Variants in MCFD2 observed in about 807,000 individuals in gnomAD.
MCFD2 encodes multiple coagulation factor deficiency 2, ER cargo receptor complex subunit.
Under a neutral mutation model 12.8 loss-of-function variants are expected in MCFD2, and 11 were observed. The ratio of observed to expected loss-of-function variants is 0.86; its 90% CI spans 0.54 to 1.42. The LOEUF is 1.42. Ranked by LOEUF, MCFD2 falls within the 40% of genes most tolerant of loss-of-function variation. The pLI is 0.00. For missense variants in MCFD2, 191 were observed against 178.6 expected (o/e 1.07, Z -0.40); for synonymous variants, 70 against 68.1 (o/e 1.03, Z -0.14).
chr2:46,923,935 C>T (rs1669245969), intron 1 of MCFD2, among the ~76,000 whole-genome samples: 1 of 152,044 alleles, frequency 6.6e-6, no homozygotes, highest in Non-Finnish European at 1.5e-5. Flanking sequence ...GGAGTTTCAC[C>T]ATGTTGGCCA....
chr2:46,941,672 G>T lies in MCFD2; in HGVS notation c.-108C>A. 6.4e-7 allele frequency: 1 copy of T among 1,551,918 alleles called. No individual in the cohort carries two copies. Among genetic ancestry groups the T allele is most frequent in the East Asian group, 2.4e-5 (1 of 41,170 alleles). ...CTGCAGACGCTGAGCATGCCCGGCGGCGGAGGTAACAGGCGAGGCAGCCCG... is the reference window on the plus strand; with the variant it reads ...CTGCAGACGCTGAGCATGCCCGGCGTCGGAGGTAACAGGCGAGGCAGCCCG... On this transcript the variant is annotated 5_prime_UTR_variant, in exon 1 of 3. Transcript: ENST00000409147. The surrounding 1 kb of genome is among the most constrained non-coding windows in gnomAD (Gnocchi z 4.2).
Position 46,908,066 on chromosome 2 carries a change from C to T in MCFD2, c.150-97G>A. On this transcript the variant is annotated intron_variant, in intron 2 of 3. Transcript: ENST00000319466. This position sits in a 1 kb window ranked among gnomAD's most constrained non-coding sequence, Gnocchi z 4.5. ...AAAGTTCAAGATCTTAAACTTCCTC[C>T]AGCTCAGAAAAACAAACACCAGCAG... 1 of 1,390,346 alleles carries T rather than the reference C, an allele frequency of 7.2e-7. No individual in the cohort carries two copies. Among genetic ancestry groups the T allele is most frequent in the Non-Finnish European group, 1.0e-6 (1 of 999,342 alleles). The allele number at this position is 1,390,346 out of a possible 1,614,324, so 86.1% of individuals were successfully genotyped here.
In MCFD2 at chr2:46,905,058, C is replaced by CT. The variant is rs1668161909; in HGVS notation, c.*404dup. The CT allele has an allele frequency of 3.2e-6, 1 of 311,614 alleles. No individual in the cohort carries two copies. Among genetic ancestry groups the CT allele is most frequent in the Admixed American group, 4.5e-5 (1 of 22,316 alleles). The allele number at this position is 311,614 out of a possible 1,614,324, so 19.3% of individuals were successfully genotyped here. A position where few individuals can be genotyped will look rare whatever the true frequency, so the allele number is the denominator to read the frequency against. ...GGCTTATCAGGGGTTTCCACTTTTG[C>CT]TTCTTCCTCATTTTCTCTTGCTGCC... is the stretch of plus-strand genomic sequence containing the variant. On this transcript the variant is annotated 3_prime_UTR_variant, in exon 4 of 4. Transcript: ENST00000319466.
At chr2:46,913,309 A>G (rs558394098) in intron 1 of MCFD2, among the ~76,000 whole-genome samples, 1 of 152,314 alleles carries the variant, frequency 6.6e-6, no homozygotes, top group Non-Finnish European at 1.5e-5. Flanking sequence ...ATACTTTGAG[A>G]GGCTGAGGCA....
intron 1 of MCFD2, among the ~76,000 whole-genome samples, chr2:46,931,153 T>C (rs376861466): frequency 5.4e-4 from 83 of 152,340 alleles, no homozygotes; most frequent in African/African-American, 1.9e-3. Flanking sequence ...TCTATGAGTG[T>C]TATTTATTTA....
chr2:46,908,994 C>A lies in MCFD2; in HGVS notation c.149+29G>T. ...TCAGCTGCAGATGATGGGGAGGCCACTGGACCACAGCCCGGGCTGAATACG... is the reference window on the plus strand; with the variant it reads ...TCAGCTGCAGATGATGGGGAGGCCAATGGACCACAGCCCGGGCTGAATACG... On this transcript the variant is annotated intron_variant, in intron 2 of 3. Transcript: ENST00000319466. The surrounding 1 kb of genome is among the most constrained non-coding windows in gnomAD (Gnocchi z 4.5). 6.2e-7 allele frequency: 1 copy of A among 1,613,618 alleles called. No homozygotes were observed. Among genetic ancestry groups the A allele is most frequent in the Non-Finnish European group, 8.5e-7 (1 of 1,179,938 alleles).
intron 1 of MCFD2, among the ~76,000 whole-genome samples, chr2:46,911,338 G>C (rs1443299746): frequency 6.6e-6 from 1 of 151,608 alleles, no homozygotes; most frequent in Admixed American, 6.6e-5. Context: ...ATCTTGGCCA[G>C]GCTGATCTCG....
upstream of MCFD2, among the ~76,000 whole-genome samples, chr2:46,920,084 C>G (rs985634386): frequency 2.0e-5 from 3 of 152,162 alleles, no homozygotes; most frequent in African/African-American, 7.2e-5. Flanking sequence ...GACCTTGTTT[C>G]TTCCGTCCCT....
chr2:46,935,001 A>T (rs1157177005), intron 1 of MCFD2, among the ~76,000 whole-genome samples: 1 of 151,564 alleles, frequency 6.6e-6, no homozygotes, highest in Non-Finnish European at 1.5e-5. Context: ...GGGTTTCATC[A>T]TGTTGGCCAG....
At chr2:46,926,192 T>A (rs1304897262) in intron 1 of MCFD2, among the ~76,000 whole-genome samples, 1 of 152,240 alleles carries the variant, frequency 6.6e-6, no homozygotes, top group African/African-American at 2.4e-5. Context: ...GTGAAGACTT[T>A]ACTGAAGCCT....
upstream of MCFD2, chr2:46,915,916 C>G: frequency 2.0e-6 from 2 of 985,090 alleles, no homozygotes; most frequent in Non-Finnish European, 2.4e-6. Context: ...GTGAGGACGG[C>G]TCGCGTGAGT....
upstream of MCFD2, among the ~76,000 whole-genome samples, chr2:46,919,624 T>C (rs1033788554): frequency 6.6e-6 from 1 of 152,260 alleles, no homozygotes; most frequent in African/African-American, 2.4e-5. Flanking sequence ...GGTAATCCTG[T>C]GTCCCTAAAA....
Position 46,907,868 on chromosome 2 carries a change from C to T in MCFD2, c.251G>A (p.Gly84Asp). ...LHYFKMHDYD[G>D]NNLLDGLELS... ...TTCTAAGCCATCAAGCAAATTATTG[C>T]CATCATAATCATGCATTTTGAAGTA... The change falls in exon 3 of 4, where the codon GGC becomes GAC. Residue 84 changes from glycine (G) to aspartate (D), a missense_variant. Physicochemically the swap from Gly to Asp is moderately conservative, Grantham distance 94. Transcript: ENST00000319466. This position sits in a 1 kb window ranked among gnomAD's most constrained non-coding sequence, Gnocchi z 4.1. 6.2e-7 allele frequency: 1 copy of T among 1,614,150 alleles called. No homozygotes were observed. The highest frequency in any genetic ancestry group is 8.5e-7 in the Non-Finnish European group (1 of 1,180,022).
chr2:46,920,154 T>G (rs1396178288), upstream of MCFD2, among the ~76,000 whole-genome samples: 1 of 152,176 alleles, frequency 6.6e-6, no homozygotes, highest in East Asian at 1.9e-4. Flanking sequence ...TTCTTCAAAT[T>G]CATGTTGGGG....
chr2:46,941,136 G>A lies in MCFD2; in HGVS notation c.-8+436C>T, dbSNP rs937316585. The A allele has an allele frequency of 4.2e-4, 62 of 147,876 alleles. No individual in the cohort carries two copies. Among genetic ancestry groups the A allele is most frequent in the African/African-American group, 1.5e-3 (60 of 40,814 alleles). The allele number at this position is 147,876 out of a possible 1,614,324, so 9.2% of individuals were successfully genotyped here. ...CGCTGGCAGCCAGCGAGCCCGGCTCGCCGAGGCCTCCCCACGCCCCCGCGG... is the reference window on the plus strand; with the variant it reads ...CGCTGGCAGCCAGCGAGCCCGGCTCACCGAGGCCTCCCCACGCCCCCGCGG... On this transcript the variant is annotated intron_variant, in intron 1 of 2. Transcript: ENST00000409147. The surrounding 1 kb of genome is among the most constrained non-coding windows in gnomAD (Gnocchi z 4.2).
Position 46,941,017 on chromosome 2 carries a change from TA to T in MCFD2, c.-8+554del, listed in dbSNP as rs1232020868. 6.6e-6 allele frequency among the ~76,000 whole-genome samples: 1 copy of T among 150,628 alleles called. No homozygotes were observed. Among genetic ancestry groups the T allele is most frequent in the Non-Finnish European group, 1.5e-5 (1 of 67,704 alleles). ...CGGGCGCCGGGGCTCCGCGCGGGAT[TA>T]AAGTGAGCTCCGACTCCGCGGCGGG... On this transcript the variant is annotated intron_variant, in intron 1 of 2. Transcript: ENST00000409147. This position sits in a 1 kb window ranked among gnomAD's most constrained non-coding sequence, Gnocchi z 4.2.
In MCFD2 at chr2:46,907,408, A is replaced by T. The variant is rs1668290647; in HGVS notation, c.309+402T>A. On this transcript the variant is annotated intron_variant, in intron 3 of 3. Transcript: ENST00000319466. This position sits in a 1 kb window ranked among gnomAD's most constrained non-coding sequence, Gnocchi z 4.1. Reference sequence around the variant, plus strand: ...TTTTCTTTTTTTCTCTTTTTGAGACAAGGCCTCACTCTGTTGCCCAGGCTG... The same window carrying T: ...TTTTCTTTTTTTCTCTTTTTGAGACTAGGCCTCACTCTGTTGCCCAGGCTG... 1.0e-5 allele frequency: 2 copies of T among 194,540 alleles called. No homozygotes were observed. 12.1% of individuals were successfully genotyped at this position (194,540 alleles called of 1,614,324 possible).
upstream of MCFD2, among the ~76,000 whole-genome samples, chr2:46,919,908 C>G (rs1669008970): frequency 6.6e-6 from 1 of 152,224 alleles, no homozygotes; most frequent in African/African-American, 2.4e-5. Context: ...TCTAGGCTCC[C>G]CTGTCAGCTG....
chr2:46,926,837 T>TTA (rs1669408946), intron 1 of MCFD2, among the ~76,000 whole-genome samples: 1 of 152,242 alleles, frequency 6.6e-6, no homozygotes, highest in South Asian at 2.1e-4. Context: ...AGACAGAGGT[T>TTA]GTTAAACACT....
Sources: allele counts gnomAD v4.1 joint callset (sites outside exome capture counted in the v4.1 genomes callset), GRCh38; gene constraint gnomAD v4.1.1; non-coding constraint Gnocchi (gnomAD v3.1); transcripts MANE v1.5; gene names NCBI Gene and HGNC (gene_info 2026-07-23, HGNC 2026-07-21).